Variants in UMAD1 observed in about 807,000 individuals in gnomAD.
UMAD1 encodes the protein UBAP1-MVB12-associated (UMA)-domain containing protein 1.
UMAD1 carries 8 observed loss-of-function variants against 6.1 expected under a neutral mutation model. The observed-to-expected ratio is 1.30, with a 90% confidence interval of 0.76 to 2.35. The LOEUF is 2.35. UMAD1 is among the 30% of genes most tolerant of loss of function. The pLI is 0.00. For missense variants in UMAD1, 130 were observed against 78.4 expected (o/e 1.66, Z -2.49); for synonymous variants, 56 against 31.4 (o/e 1.78, Z -2.61).
chr7:7,716,862 C>T (rs1040572470), intron 2 of UMAD1, among the ~76,000 whole-genome samples: 17 of 152,156 alleles, frequency 1.1e-4, no homozygotes, highest in African/African-American at 3.4e-4. Flanking sequence ...AGGAGAATGG[C>T]GTGAACCTGG....
At chr7:7,833,833 C>T (rs1161799480) in intron 3 of UMAD1, among the ~76,000 whole-genome samples, 3 of 152,016 alleles carry the variant, frequency 2.0e-5, no homozygotes, top group South Asian at 4.1e-4. Flanking sequence ...ATTTGAAATA[C>T]TTGAAATGAA....
At chr7:7,662,277 A>G (rs1283259873) in intron 1 of UMAD1, among the ~76,000 whole-genome samples, 1 of 152,268 alleles carries the variant, frequency 6.6e-6, no homozygotes, top group South Asian at 2.1e-4. Flanking sequence ...GAGCTAGACC[A>G]CTTGGCTCCC....
rs543458359 is a variant in UMAD1, at chr7:7,657,182, G to T, written c.-63-16127G>T. 2.6e-5 allele frequency among the ~76,000 whole-genome samples: 4 copies of T among 152,100 alleles called. No individual in the cohort carries two copies. The East Asian group carries it at 7.8e-4, about 29-fold the overall frequency. On this transcript the variant is annotated intron_variant, in intron 1 of 3. Coordinates refer to ENST00000682710, the MANE Select transcript of UMAD1 (RefSeq NM_001302348.2). ...GGGGTTGTTTTTTTCTTGTAAATTT[G>T]TTTAAATTCTTTCTAGAGTCTGGGT... is the stretch of plus-strand genomic sequence containing the variant.
intron 2 of UMAD1, among the ~76,000 whole-genome samples, chr7:7,695,185 C>T (rs1208728147): frequency 1.3e-5 from 2 of 152,180 alleles, no homozygotes; most frequent in Non-Finnish European, 2.9e-5. Flanking sequence ...TGTACGTCTT[C>T]TTTTGAGAAG....
intron 3 of UMAD1, among the ~76,000 whole-genome samples, chr7:7,831,678 CT>C (rs1236722780): frequency 1.3e-5 from 2 of 152,186 alleles, no homozygotes; most frequent in Non-Finnish European, 2.9e-5. Context: ...AATTACCTAA[CT>C]TTGCTGTATT....
chr7:7,759,859 G>A (rs1437027470), intron 2 of UMAD1, among the ~76,000 whole-genome samples: 1 of 152,164 alleles, frequency 6.6e-6, no homozygotes, highest in Non-Finnish European at 1.5e-5. Flanking sequence ...CTTTCTGGGA[G>A]ACAGTCTGCC....
chr7:7,733,748 C>T (rs73676911), intron 2 of UMAD1, among the ~76,000 whole-genome samples: 32,182 of 150,406 alleles, frequency 0.21, 4,008 homozygotes, highest in African/African-American at 0.35. Context: ...TATAGTTGTG[C>T]GTTGTATGGG....
chr7:7,781,485 A>G lies in UMAD1; in HGVS notation c.83-20185A>G, dbSNP rs190544947. Reference sequence around the variant, plus strand: ...TTACATTAATGTGGAAAAAAATGTCATATTTATATGTTTATAATCCTATCC... The same window carrying G: ...TTACATTAATGTGGAAAAAAATGTCGTATTTATATGTTTATAATCCTATCC... On this transcript the variant is annotated intron_variant, in intron 2 of 3. Transcript: ENST00000682710. Among the ~76,000 whole-genome samples, 585 of 152,142 alleles carry G rather than the reference A, an allele frequency of 3.8e-3. 7 individuals are homozygous for G. Among genetic ancestry groups the G allele is most frequent in the Middle Eastern group, 0.024 (7 of 294 alleles).
rs138404468 is a variant in UMAD1 at position 7,830,567 on chromosome 7, A to G, written c.156+28824A>G. On this transcript the variant is annotated intron_variant, in intron 3 of 3. Transcript: ENST00000682710. The surrounding 1 kb of genome is among the most constrained non-coding windows in gnomAD (Gnocchi z 5.3). ...TCTTCTTTGCTCTGGGTGCCCAAAA[A>G]CTGTGAGCCAACTTCAAAGTGTGGA... Among the ~76,000 whole-genome samples the G allele has an allele frequency of 6.1e-4, 93 of 152,070 alleles. No homozygotes were observed. Among genetic ancestry groups the G allele is most frequent in the African/African-American group, 2.0e-3 (82 of 41,466 alleles).
At chr7:7,721,448 G>A (rs937331817) in intron 2 of UMAD1, among the ~76,000 whole-genome samples, 33 of 152,148 alleles carry the variant, frequency 2.2e-4, no homozygotes, top group African/African-American at 7.7e-4. Flanking sequence ...CTGCATAATT[G>A]TGAGCCGTAG....
At chr7:7,668,918 C>G (rs1299686650) in intron 1 of UMAD1, among the ~76,000 whole-genome samples, 1 of 152,148 alleles carries the variant, frequency 6.6e-6, no homozygotes, top group Admixed American at 6.6e-5. Context: ...CACACACCCA[C>G]CCACACTCAC....
chr7:7,657,597 G>C (rs991376654), intron 1 of UMAD1, among the ~76,000 whole-genome samples: 3 of 151,936 alleles, frequency 2.0e-5, no homozygotes, highest in Non-Finnish European at 4.4e-5. Context: ...GTTTTTTTCA[G>C]GTATGTCAAA....
rs529748461 is a variant in UMAD1, at chr7:7,801,193, A to G, written c.83-477A>G. Reference sequence around the variant, plus strand: ...TTGTTCATTATTCTTTCCTGCTGTAAGGATTATCTGTCATCTGGTTAATTA... The same window carrying G: ...TTGTTCATTATTCTTTCCTGCTGTAGGGATTATCTGTCATCTGGTTAATTA... On this transcript the variant is annotated intron_variant, in intron 2 of 3. Coordinates refer to ENST00000682710, the MANE Select transcript of UMAD1 (RefSeq NM_001302348.2). Among the ~76,000 whole-genome samples, 19 of 152,350 alleles carry G rather than the reference A, an allele frequency of 1.2e-4. No individual in the cohort carries two copies. In the South Asian group the frequency reaches 3.5e-3, roughly 28 times the overall value.
At chr7:7,780,283 T>A (rs1411968684) in intron 2 of UMAD1, among the ~76,000 whole-genome samples, 1 of 152,216 alleles carries the variant, frequency 6.6e-6, no homozygotes, top group Non-Finnish European at 1.5e-5. Flanking sequence ...TATTTCCCCA[T>A]TTCCTGCTGG....
At chr7:7,759,059 T>C (rs1427226763) in intron 2 of UMAD1, among the ~76,000 whole-genome samples, 1 of 152,216 alleles carries the variant, frequency 6.6e-6, no homozygotes, top group African/African-American at 2.4e-5. Context: ...TCTTACATGG[T>C]TATTTAAACT....
intron 1 of UMAD1, among the ~76,000 whole-genome samples, chr7:7,648,257 C>A (rs1405116292): frequency 1.3e-5 from 2 of 152,226 alleles, no homozygotes; most frequent in Non-Finnish European, 2.9e-5. Flanking sequence ...TTTGACAGAT[C>A]ATGAGTGATT....
At chr7:7,721,454 C>T (rs992826676) in intron 2 of UMAD1, among the ~76,000 whole-genome samples, 2 of 152,136 alleles carry the variant, frequency 1.3e-5, no homozygotes, top group African/African-American at 2.4e-5. Context: ...AATTGTGAGC[C>T]GTAGGGGATA....
At chr7:7,677,708 C>T (rs1779781913) in intron 2 of UMAD1, among the ~76,000 whole-genome samples, 1 of 119,528 alleles carries the variant, frequency 8.4e-6, no homozygotes, top group Non-Finnish European at 1.6e-5. Context: ...GAGTCTCGCT[C>T]TGTCGCCCAG....
At chr7:7,691,774 T>C (rs1184540548) in intron 2 of UMAD1, among the ~76,000 whole-genome samples, 3 of 152,210 alleles carry the variant, frequency 2.0e-5, no homozygotes, top group Non-Finnish European at 4.4e-5. Context: ...AATTTGATGG[T>C]ATTGAAGTGT....
Sources: gnomAD v4.1 joint callset for allele counts (sites outside exome capture counted in the v4.1 genomes callset) on GRCh38, gnomAD v4.1.1 for gene constraint, Gnocchi (gnomAD v3.1) non-coding constraint, MANE v1.5 for transcripts, NCBI Gene and HGNC (gene_info 2026-07-23, HGNC 2026-07-21) for gene names.